TBC1D5: variants seen among roughly 807,000 people sequenced by gnomAD.
TBC1D5 encodes TBC1 domain family, member 5.
In TBC1D5, 75 loss-of-function variants were observed where a neutral mutation model predicts 100.3. The ratio of observed to expected loss-of-function variants is 0.75; its 90% CI spans 0.62 to 0.91. The LOEUF (loss-of-function observed/expected upper bound fraction) is 0.91. TBC1D5 is among the 40% of genes least tolerant of loss of function. The pLI is 0.00. For missense variants in TBC1D5, 910 were observed against 942.4 expected, an observed-to-expected ratio of 0.97 and a Z score of 0.45; for synonymous variants, 323 against 325.6, an observed-to-expected ratio of 0.99 and a Z score of 0.09.
intron 17 of TBC1D5, among the ~76,000 whole-genome samples, chr3:17,237,206 G>C (rs1049576112): frequency 1.3e-5 from 2 of 152,166 alleles, no homozygotes; most frequent in Non-Finnish European, 2.9e-5. Context: ...TGTTTGCTCT[G>C]ACACTAAGTG....
intron 17 of TBC1D5, among the ~76,000 whole-genome samples, chr3:17,216,713 G>A (rs1464280905): frequency 6.6e-6 from 1 of 151,924 alleles, no homozygotes; most frequent in East Asian, 1.9e-4. Flanking sequence ...ACTTCCCAGG[G>A]ATACTTTTTC....
At chr3:17,249,704 T>C (rs897295507) in intron 16 of TBC1D5, among the ~76,000 whole-genome samples, 4 of 152,222 alleles carry the variant, frequency 2.6e-5, no homozygotes, top group African/African-American at 9.6e-5. Flanking sequence ...GGTATTTCTT[T>C]ATAGCAACAC....
At chr3:17,486,096 T>C (rs931065740) in intron 3 of TBC1D5, among the ~76,000 whole-genome samples, 13 of 152,132 alleles carry the variant, frequency 8.5e-5, no homozygotes, top group African/African-American at 3.1e-4. Context: ...TGGCCAGTGA[T>C]GATGAGCATT....
intron 15 of TBC1D5, among the ~76,000 whole-genome samples, chr3:17,278,292 T>A (rs568513863): frequency 3.3e-5 from 5 of 152,338 alleles, no homozygotes; most frequent in African/African-American, 2.4e-5. Context: ...ATCACCCATG[T>A]CAGTTTTCAG....
intron 2 of TBC1D5, among the ~76,000 whole-genome samples, chr3:17,582,789 A>G (rs1237755458): frequency 6.6e-6 from 1 of 151,968 alleles, no homozygotes; most frequent in Admixed American, 6.6e-5. Context: ...AAAAAGCAAA[A>G]AAAAACAAAA....
intron 13 of TBC1D5, among the ~76,000 whole-genome samples, chr3:17,318,268 C>A (rs1007750919): frequency 6.6e-6 from 1 of 150,870 alleles, no homozygotes; most frequent in Non-Finnish European, 1.5e-5. Context: ...AGGAGATATA[C>A]CTAATACTAA....
At chr3:17,539,412 G>A (rs1241590146) in intron 2 of TBC1D5, among the ~76,000 whole-genome samples, 1 of 152,204 alleles carries the variant, frequency 6.6e-6, no homozygotes, top group Non-Finnish European at 1.5e-5. Context: ...ATTCTCTACA[G>A]AATGTAGATT....
chr3:17,650,690 C>T (rs1228504868), intron 1 of TBC1D5, among the ~76,000 whole-genome samples: 1 of 152,122 alleles, frequency 6.6e-6, no homozygotes, highest in East Asian at 1.9e-4. Flanking sequence ...CCTTCCTACA[C>T]CTGGTTTAAA....
intron 9 of TBC1D5, among the ~76,000 whole-genome samples, chr3:17,379,476 T>A (rs940348136): frequency 6.6e-6 from 1 of 152,112 alleles, no homozygotes; most frequent in Non-Finnish European, 1.5e-5. Flanking sequence ...TCTGTCTAGA[T>A]TCTCCATTAA....
Position 17,512,380 on chromosome 3 carries a change from T to C in TBC1D5, c.-35-3775A>G, listed in dbSNP as rs1249461404. ...AAACATAACACTTACAATGGTTCAT[T>C]AGACCTCTAAATTTGATTCCAAACT... is the stretch of plus-strand genomic sequence containing the variant. On this transcript the variant is annotated intron_variant, in intron 2 of 21. Transcript: ENST00000253692. Among the ~76,000 whole-genome samples, 6 of 152,262 alleles carry C rather than the reference T, an allele frequency of 3.9e-5. No individual in the cohort carries two copies. The East Asian group carries it at 1.2e-3, about 29-fold the overall frequency.
chr3:17,194,068 T>G (rs1431390299), intron 18 of TBC1D5, among the ~76,000 whole-genome samples: 2 of 152,188 alleles, frequency 1.3e-5, no homozygotes, highest in Non-Finnish European at 2.9e-5. Context: ...TAGGTCTGGG[T>G]TGGGGCCTAA....
chr3:17,550,572 GTCT>G (rs2096463829), intron 2 of TBC1D5, among the ~76,000 whole-genome samples: 1 of 151,562 alleles, frequency 6.6e-6, no homozygotes, highest in East Asian at 1.9e-4. Context: ...ACCACAGAAG[GTCT>G]TCTTCTACAG....
intron 8 of TBC1D5, among the ~76,000 whole-genome samples, chr3:17,390,238 A>G (rs1421963424): frequency 1.3e-5 from 2 of 152,130 alleles, no homozygotes; most frequent in Non-Finnish European, 2.9e-5. Context: ...TGGAGCCCCA[A>G]TAACCAGGAA....
At chr3:17,737,770 A>G (rs1449849660) in intron 1 of TBC1D5, among the ~76,000 whole-genome samples, 1 of 152,126 alleles carries the variant, frequency 6.6e-6, no homozygotes, top group Non-Finnish European at 1.5e-5. Flanking sequence ...AAAAACTATG[A>G]TAACATGTAA....
At position 17,307,977 on chromosome 3, in the gene TBC1D5, G is replaced by C. The variant is rs1334550632; in HGVS notation, c.1138+15C>G. ...GAGTACCTAGTCAAATGTAGGAAAG[G>C]TCATTAATACTTACAAGCATCTCGG... On this transcript the variant is annotated intron_variant, in intron 14 of 21. Coordinates refer to ENST00000253692, the Ensembl canonical transcript of TBC1D5. 2 of 1,595,634 alleles carry C rather than the reference G, an allele frequency of 1.3e-6. No homozygotes were observed. Among genetic ancestry groups the C allele is most frequent in the Non-Finnish European group, 1.7e-6 (2 of 1,174,678 alleles).
chr3:17,534,862 A>T (rs1190059885), intron 2 of TBC1D5, among the ~76,000 whole-genome samples: 1 of 152,230 alleles, frequency 6.6e-6, no homozygotes, highest in Non-Finnish European at 1.5e-5. Context: ...AAATTAAAAT[A>T]TAAGTAAAAG....
At chr3:17,305,216 C>CA (rs1453722297) in intron 14 of TBC1D5, among the ~76,000 whole-genome samples, 1 of 152,096 alleles carries the variant, frequency 6.6e-6, no homozygotes, top group Admixed American at 6.5e-5. Context: ...CTGCTTGGCT[C>CA]AGACAGTTCT....
intron 3 of TBC1D5, among the ~76,000 whole-genome samples, chr3:17,436,317 C>T (rs2094534667): frequency 6.6e-6 from 1 of 152,058 alleles, no homozygotes. Flanking sequence ...ATGTAAAGTG[C>T]TTATAGTACA....
intron 2 of TBC1D5, among the ~76,000 whole-genome samples, chr3:17,573,036 A>G (rs534439778): frequency 6.6e-6 from 1 of 152,126 alleles, no homozygotes; most frequent in African/African-American, 2.4e-5. Context: ...TTCCATGTAC[A>G]TATCTCTTAC....
Sources: gnomAD v4.1 joint callset for allele counts (sites outside exome capture counted in the v4.1 genomes callset) on GRCh38, gnomAD v4.1.1 for gene constraint, MANE v1.5 for transcripts, NCBI Gene and HGNC (gene_info 2026-07-23, HGNC 2026-07-21) for gene names.